GPHN: variants seen among roughly 807,000 people sequenced by gnomAD.
GPHN encodes gephyrin.
A neutral mutation model predicts 95.5 loss-of-function variants in GPHN; 17 were observed. That is an observed-to-expected ratio of 0.18 (90% CI 0.12 to 0.27). GPHN has a LOEUF of 0.27. Ranked by LOEUF, GPHN falls within the 10% of genes least tolerant of loss-of-function variation. The probability of loss-of-function intolerance (pLI) is 1.00; values close to 1 mark genes in which losing one functional copy is unlikely to be tolerated. For missense variants in GPHN, 660 were observed against 978.1 expected (o/e 0.67, Z 4.34); for synonymous variants, 320 against 322.5 (o/e 0.99, Z 0.08).
chr14:67,624,567 C>T, the GPHN span, among the ~76,000 whole-genome samples: 1 of 152,142 alleles, frequency 6.6e-6, no homozygotes. Flanking sequence ...GGAGGTGATA[C>T]ACACTTTTAA....
chr14:67,716,011 T>A, the GPHN span, among the ~76,000 whole-genome samples: 1 of 151,872 alleles, frequency 6.6e-6, no homozygotes, highest in Non-Finnish European at 1.5e-5. Context: ...CTGGCTAACA[T>A]GGTGAAACCC....
At chr14:66,849,015 A>G (rs982734417) in intron 4 of GPHN, among the ~76,000 whole-genome samples, 56 of 152,042 alleles carry the variant, frequency 3.7e-4, no homozygotes, top group African/African-American at 1.2e-3. Flanking sequence ...AGTACTTTGT[A>G]TATTATATCT....
intron 17 of GPHN, among the ~76,000 whole-genome samples, chr14:67,134,953 C>CTTCTTTTTTTTTTTT (rs573340363): frequency 4.4e-5 from 2 of 45,252 alleles, no homozygotes; most frequent in African/African-American, 1.0e-4. Context: ...TTTCTTTCTT[C>CTTCTTTTTTTTTTTT]TTTTTTTTTT....
chr14:67,473,503 G>A, the GPHN span: 2 of 1,614,182 alleles, frequency 1.2e-6, no homozygotes, highest in Non-Finnish European at 8.5e-7. This position sits in a 1 kb window ranked among gnomAD's most constrained non-coding sequence, Gnocchi z 6.5. Flanking sequence ...AAGCGGAGGC[G>A]GAGGGTGTTG....
chr14:67,062,383 A>G (rs1271919421), intron 11 of GPHN, among the ~76,000 whole-genome samples: 1 of 152,240 alleles, frequency 6.6e-6, no homozygotes, highest in Non-Finnish European at 1.5e-5. Context: ...CAAACACTCT[A>G]ACACCTGCAA....
chr14:67,254,024 A>AT, the GPHN span, among the ~76,000 whole-genome samples: 1 of 114,158 alleles, frequency 8.8e-6, no homozygotes, highest in Non-Finnish European at 1.6e-5. Context: ...CCTTATATTC[A>AT]TCCCCCCCCC....
chr14:66,937,549 T>C (rs1247481074), intron 8 of GPHN, among the ~76,000 whole-genome samples: 2 of 152,160 alleles, frequency 1.3e-5, no homozygotes, highest in East Asian at 3.9e-4. Flanking sequence ...CCAGCTAATT[T>C]TTGTATTTTT....
rs115315875 is a variant in GPHN at position 67,074,705 on chromosome 14, T to C, written c.1145-14278T>C. On this transcript the variant is annotated intron_variant, in intron 11 of 22. Transcript: ENST00000478722. ...GCTGGTGCTACAGCCAAGTTGTGAA[T>C]GCAAAGGAAAAGTTCTTTAAGGAAA... 7.1e-3 allele frequency among the ~76,000 whole-genome samples: 1,080 copies of C among 152,298 alleles called. 6 individuals carry two copies. Among genetic ancestry groups the C allele is most frequent in the African/African-American group, 0.025 (1,031 of 41,566 alleles).
Position 67,000,665 on chromosome 14 carries a change from A to AT in GPHN, c.964-22965dup, listed in dbSNP as rs2072152210. Among the ~76,000 whole-genome samples, 3 of 151,782 alleles carry AT rather than the reference A, an allele frequency of 2.0e-5. No individual in the cohort carries two copies. In the South Asian group the frequency reaches 6.2e-4, roughly 31 times the overall value. On this transcript the variant is annotated intron_variant, in intron 9 of 22. Transcript: ENST00000478722. Reference sequence around the variant, plus strand: ...AAACACTACAACTGCTGCTATTAAAATTTATTGATTCCTACCTCACTTTCA... The same window carrying AT: ...AAACACTACAACTGCTGCTATTAAAATTTTATTGATTCCTACCTCACTTTCA...
chr14:66,947,526 C>G (rs1461796647), intron 8 of GPHN, among the ~76,000 whole-genome samples: 1 of 152,102 alleles, frequency 6.6e-6, no homozygotes, highest in Non-Finnish European at 1.5e-5. Context: ...ATAGTATGGA[C>G]TATATAAATT....
At chr14:67,431,475 G>C in the GPHN span, among the ~76,000 whole-genome samples, 3 of 150,502 alleles carry the variant, frequency 2.0e-5, no homozygotes, top group South Asian at 6.3e-4. Flanking sequence ...AATCGCTTGA[G>C]CCCAGGAGTT....
the GPHN span, among the ~76,000 whole-genome samples, chr14:67,661,935 T>A: frequency 6.6e-6 from 1 of 151,870 alleles, no homozygotes; most frequent in Non-Finnish European, 1.5e-5. Flanking sequence ...GGCGGGCAGA[T>A]CATGAGGTCA....
At chr14:67,731,207 CTTTT>C in the GPHN span, among the ~76,000 whole-genome samples, 5 of 90,610 alleles carry the variant, frequency 5.5e-5, no homozygotes, top group East Asian at 3.6e-4. Context: ...TTCTTTCTTT[CTTTT>C]TTTTTTTTTT....
intron 3 of GPHN, among the ~76,000 whole-genome samples, chr14:66,780,637 G>A (rs568290212): frequency 3.8e-4 from 58 of 151,216 alleles, no homozygotes; most frequent in African/African-American, 8.5e-4. Flanking sequence ...TAATTTTTCC[G>A]TCGATTACTG....
the GPHN span, among the ~76,000 whole-genome samples, chr14:67,527,223 T>C: frequency 1.3e-5 from 2 of 152,214 alleles, no homozygotes; most frequent in Non-Finnish European, 2.9e-5. Flanking sequence ...TGTCCTGGCT[T>C]GGCCACTTGC....
chr14:67,281,090 G>A, the GPHN span, among the ~76,000 whole-genome samples: 2 of 151,638 alleles, frequency 1.3e-5, no homozygotes, highest in Admixed American at 6.6e-5. Flanking sequence ...GTAGAGACCG[G>A]GTTTCACCAT....
chr14:67,585,899 C>T, the GPHN span: 1 of 1,567,140 alleles, frequency 6.4e-7, no homozygotes, highest in East Asian at 2.2e-5. Context: ...TGGTTCCTAG[C>T]TCAGGGGACA....
intron 1 of GPHN, among the ~76,000 whole-genome samples, chr14:66,612,378 C>G (rs2062820669): frequency 6.6e-6 from 1 of 151,904 alleles, no homozygotes; most frequent in Admixed American, 6.6e-5. Flanking sequence ...CACATAGTTG[C>G]TCTGCATACT....
intron 1 of GPHN, among the ~76,000 whole-genome samples, chr14:66,597,519 T>C (rs1327158902): frequency 6.6e-6 from 1 of 152,034 alleles, no homozygotes; most frequent in Non-Finnish European, 1.5e-5. Flanking sequence ...ACAACGTTGC[T>C]CCAAAATTAG....
Sources: allele counts gnomAD v4.1 joint callset (sites outside exome capture counted in the v4.1 genomes callset), GRCh38; gene constraint gnomAD v4.1.1; non-coding constraint Gnocchi (gnomAD v3.1); transcripts MANE v1.5; gene names NCBI Gene and HGNC (gene_info 2026-07-23, HGNC 2026-07-21).